NVL: variants seen among roughly 807,000 people sequenced by gnomAD.
NVL encodes the protein nuclear VCP like.
A neutral mutation model predicts 110.2 loss-of-function variants in NVL; 84 were observed. The ratio of observed to expected loss-of-function variants is 0.76; its 90% CI spans 0.64 to 0.91. NVL has a LOEUF of 0.91. NVL is among the 40% of genes least tolerant of loss of function. NVL has a pLI of 0.00. For synonymous variants in NVL, 354 were observed against 361.1 expected (o/e 0.98, Z 0.22); for missense variants, 882 against 1,035.9 (o/e 0.85, Z 2.04).
intron 19 of NVL, among the ~76,000 whole-genome samples, chr1:224,249,730 GC>G (rs942344384): frequency 3.9e-5 from 6 of 151,940 alleles, no homozygotes; most frequent in African/African-American, 1.4e-4. Context: ...GGGTGACAGA[GC>G]AAGACTCTGC....
At chr1:224,288,268 C>CAAATATAAG (rs2102626487) in intron 13 of NVL, among the ~76,000 whole-genome samples, 1 of 152,170 alleles carries the variant, frequency 6.6e-6, no homozygotes, top group South Asian at 2.1e-4. Flanking sequence ...CAAATATAAG[C>CAAATATAAG]GTTGGCAAAT....
chr1:224,311,857 C>T lies in NVL; in HGVS notation c.285G>A (p.Glu95=). Residue 95 remains glutamate (E), a splice_region_variant and synonymous_variant, in exon 5 of 23, where the codon GAG becomes GAA. Coordinates refer to ENST00000281701, the MANE Select transcript of NVL (RefSeq NM_002533.4). ...CATCATCAGAATAGCTTTCAGTATA[C>T]CTCAGTAAAAGGAGGGAAAAATGTT... The part of the protein sequence containing the change: ...KRARQGEEDN[E]YTESYSDDDS... 2 of 1,611,590 alleles carry T rather than the reference C, an allele frequency of 1.2e-6. No homozygotes were observed. The highest frequency in any genetic ancestry group is 1.7e-6 in the Non-Finnish European group (2 of 1,177,984).
chr1:224,330,035 G>C, intron 1 of NVL, 36 bp downstream of exon 1: 1 of 1,608,602 alleles, frequency 6.2e-7, no homozygotes, highest in Non-Finnish European at 8.5e-7. Context: ...CAGCGATCGG[G>C]GCCCTTGGCG....
chr1:224,249,308 A>G (rs952900122), intron 19 of NVL, among the ~76,000 whole-genome samples: 4 of 152,148 alleles, frequency 2.6e-5, no homozygotes, highest in African/African-American at 9.6e-5. Flanking sequence ...TATTTTTTGT[A>G]GAGATGGGGT....
At chr1:224,271,980 C>T (rs1050833190) in intron 17 of NVL, among the ~76,000 whole-genome samples, 56 of 151,772 alleles carry the variant, frequency 3.7e-4, no homozygotes, top group Non-Finnish European at 7.9e-4. Flanking sequence ...CGCCACTGCA[C>T]TCCAGCCTGG....
chr1:224,294,161 A>G (rs912764729), intron 12 of NVL, 106 bp downstream of exon 12: 13 of 1,206,058 alleles, frequency 1.1e-5, no homozygotes, highest in Non-Finnish European at 1.4e-5. Context: ...GTACAAAAAG[A>G]AAGAGAGAGA....
chr1:224,288,066 T>C, intron 13 of NVL, 73 bp from the exon 14 acceptor site: 1 of 1,098,434 alleles, frequency 9.1e-7, no homozygotes, highest in Admixed American at 2.1e-5. Context: ...CATTTTCTAC[T>C]TGTAAAAATT....
At chr1:224,278,027 T>C (rs1226167919) in intron 16 of NVL, among the ~76,000 whole-genome samples, 2 of 152,152 alleles carry the variant, frequency 1.3e-5, no homozygotes, top group Non-Finnish European at 2.9e-5. Flanking sequence ...TTAACAAACT[T>C]GTCCTACCAG....
At chr1:224,307,690 C>A (rs1485715844) in intron 6 of NVL, among the ~76,000 whole-genome samples, 1 of 97,672 alleles carries the variant, frequency 1.0e-5, no homozygotes, top group Non-Finnish European at 1.9e-5. Context: ...CAGAGCCAGA[C>A]CCAGTCTCAA....
At chr1:224,241,385 A>G (rs1661174700) in intron 19 of NVL, among the ~76,000 whole-genome samples, 1 of 152,162 alleles carries the variant, frequency 6.6e-6, no homozygotes, top group South Asian at 2.1e-4. Flanking sequence ...TGGTACTAGG[A>G]TATTTAGAAG....
At chr1:224,271,597 C>T (rs1370512796) in intron 17 of NVL, among the ~76,000 whole-genome samples, 2 of 152,064 alleles carry the variant, frequency 1.3e-5, no homozygotes, top group African/African-American at 4.8e-5. Flanking sequence ...TATTAGCAGT[C>T]TCGTAATAAC....
intron 16 of NVL, among the ~76,000 whole-genome samples, chr1:224,279,903 TA>T (rs1232453248): frequency 7.9e-5 from 12 of 152,124 alleles, no homozygotes; most frequent in African/African-American, 2.4e-4. Flanking sequence ...TGGTCTGTCT[TA>T]AATGCCTGGC....
At chr1:224,316,761 T>C (rs1233647784) in intron 4 of NVL, among the ~76,000 whole-genome samples, 1 of 151,962 alleles carries the variant, frequency 6.6e-6, no homozygotes, top group African/African-American at 2.4e-5. Context: ...TTGATATTTA[T>C]GGAAAGGTTC....
chr1:224,247,303 T>C (rs1450532005), intron 19 of NVL, among the ~76,000 whole-genome samples: 1 of 151,728 alleles, frequency 6.6e-6, no homozygotes, highest in Middle Eastern at 3.2e-3. Flanking sequence ...CTTCTTGGGG[T>C]TAAGCCATCC....
intron 8 of NVL, 84 bp downstream of exon 8, chr1:224,304,652 T>C (rs890722390): frequency 2.5e-6 from 3 of 1,181,758 alleles, no homozygotes; most frequent in African/African-American, 3.0e-5. Context: ...ACCCAGATCA[T>C]ATTAGAAACA....
rs750568365 is a variant in NVL at position 224,286,150 on chromosome 1, C to T, written c.1795-20G>A. On this transcript the variant is annotated intron_variant, in intron 14 of 22. Coordinates refer to ENST00000281701, the MANE Select transcript of NVL (RefSeq NM_002533.4). Reference sequence around the variant, plus strand: ...TGGTGCCTGGAAATAATGATACAAACGGCGATCCATTACATGTCCATTTTA... The same window carrying T: ...TGGTGCCTGGAAATAATGATACAAATGGCGATCCATTACATGTCCATTTTA... 75 of 1,561,906 alleles carry T rather than the reference C, an allele frequency of 4.8e-5. No homozygotes were observed. Among genetic ancestry groups the T allele is most frequent in the South Asian group, 2.3e-4 (21 of 89,900 alleles).
chr1:224,293,311 C>T (rs1429807190), intron 12 of NVL, among the ~76,000 whole-genome samples: 2 of 152,040 alleles, frequency 1.3e-5, no homozygotes, highest in African/African-American at 2.4e-5. Context: ...CCTCGTGATC[C>T]GCCCGCCTCG....
rs139183616 is a variant in NVL, at chr1:224,235,036, C to T, written c.2366+1470G>A. 4.8e-3 allele frequency among the ~76,000 whole-genome samples: 737 copies of T among 152,286 alleles called. 4 individuals are homozygous for T. Among genetic ancestry groups the T allele is most frequent in the African/African-American group, 0.016 (661 of 41,554 alleles). ...CAAGCTGGTCTTGAACTCCTGGCCT[C>T]AAACAATCTGCCTGCCTTGGCCTCC... On this transcript the variant is annotated intron_variant, in intron 20 of 22. Transcript: ENST00000281701.
intron 9 of NVL, among the ~76,000 whole-genome samples, chr1:224,301,135 C>T (rs532048513): frequency 7.9e-5 from 12 of 151,764 alleles, no homozygotes; most frequent in African/African-American, 2.9e-4. Context: ...CGGTTTCATG[C>T]AAACACATTT....
Sources: gnomAD v4.1 joint callset for allele counts (sites outside exome capture counted in the v4.1 genomes callset) on GRCh38, gnomAD v4.1.1 for gene constraint, MANE v1.5 for transcripts, NCBI Gene and HGNC (gene_info 2026-07-23, HGNC 2026-07-21) for gene names.